The following CLYBL variants were observed in gnomAD, a reference collection of about 807,000 sequenced individuals.
CLYBL encodes the protein citramalyl-CoA lyase, also known as citramalyl-CoA lyase, mitochondrial.
CLYBL carries 31 observed loss-of-function variants against 38.9 expected under a neutral mutation model. The observed-to-expected ratio is 0.80, with a 90% CI of 0.60 to 1.08. The LOEUF is 1.08. Ranked by LOEUF, CLYBL falls within the 50% of genes least tolerant of loss-of-function variation. The pLI, the probability that CLYBL is intolerant of heterozygous loss-of-function variation, is 0.00. For missense variants in CLYBL, 434 were observed against 411.6 expected (o/e 1.05, Z -0.47); for synonymous variants, 171 against 158.6 (o/e 1.08, Z -0.59).
At chr13:99,702,450 G>A (rs1012244626) in intron 1 of CLYBL, among the ~76,000 whole-genome samples, 5 of 151,938 alleles carry the variant, frequency 3.3e-5, no homozygotes, top group Non-Finnish European at 5.9e-5. Context: ...GATCAACATG[G>A]TGAAACCCTG....
At chr13:99,665,012 T>C (rs903492752) in intron 1 of CLYBL, among the ~76,000 whole-genome samples, 1 of 151,954 alleles carries the variant, frequency 6.6e-6, no homozygotes, top group Non-Finnish European at 1.5e-5. Context: ...AGAATGTTTT[T>C]CAATTAAAAA....
At chr13:99,756,593 G>A (rs2049066639) in intron 1 of CLYBL, among the ~76,000 whole-genome samples, 1 of 152,050 alleles carries the variant, frequency 6.6e-6, no homozygotes, top group Non-Finnish European at 1.5e-5. Context: ...AAAACATTAT[G>A]AGATTTGTTG....
At chr13:99,864,751 G>A in intron 4 of CLYBL, 67 bp from the exon 5 acceptor site, 1 of 1,065,010 alleles carries the variant, frequency 9.4e-7, no homozygotes, top group Middle Eastern at 2.0e-4. Flanking sequence ...TTACTGAAAT[G>A]CACCGTGCCT....
At chr13:99,771,550 C>G (rs1385607894) in intron 1 of CLYBL, among the ~76,000 whole-genome samples, 3 of 152,160 alleles carry the variant, frequency 2.0e-5, no homozygotes, top group Non-Finnish European at 2.9e-5. Flanking sequence ...TATCGCTCGT[C>G]CTGATTATGG....
intron 1 of CLYBL, among the ~76,000 whole-genome samples, chr13:99,731,788 C>G (rs2048596079): frequency 6.6e-6 from 1 of 152,146 alleles, no homozygotes; most frequent in Non-Finnish European, 1.5e-5. Context: ...CCTGTGTTCT[C>G]AATTTTAACC....
intron 2 of CLYBL, among the ~76,000 whole-genome samples, chr13:99,800,547 C>T (rs192193025): frequency 6.6e-6 from 1 of 152,290 alleles, no homozygotes; most frequent in East Asian, 1.9e-4. Context: ...TGGAAAGGCT[C>T]ACCTGAGCCA....
intron 1 of CLYBL, among the ~76,000 whole-genome samples, chr13:99,613,695 CTG>C (rs10577448): frequency 0.26 from 38,757 of 151,908 alleles, 6,062 homozygotes; most frequent in East Asian, 0.57. Context: ...GTAAACATGA[CTG>C]AGATGGAAAA....
intron 1 of CLYBL, among the ~76,000 whole-genome samples, chr13:99,769,658 G>A (rs2049340666): frequency 6.6e-6 from 1 of 152,150 alleles, no homozygotes; most frequent in Non-Finnish European, 1.5e-5. Context: ...TCAATTAGCT[G>A]GCAATAATAT....
Position 99,667,463 on chromosome 13 carries a change from TAAAC to T in CLYBL, c.62+60709_62+60712del, listed in dbSNP as rs368225003. On this transcript the variant is annotated intron_variant, in intron 1 of 8. Transcript: ENST00000339105. ...TTTTTTTTTTTTTTTTTTTAGAAAA[TAAAC>T]AATTGCTAGAAGAGTGGAGAGACCA... Among the ~76,000 whole-genome samples the T allele has an allele frequency of 6.7e-3, 741 of 110,724 alleles. 12 individuals carry two copies. Among genetic ancestry groups the T allele is most frequent in the African/African-American group, 0.025 (693 of 27,876 alleles). 72.6% of individuals were successfully genotyped at this position (110,724 alleles called of 152,430 possible).
chr13:99,731,057 T>C (rs1457729614), intron 1 of CLYBL, among the ~76,000 whole-genome samples: 1 of 113,926 alleles, frequency 8.8e-6, no homozygotes, highest in African/African-American at 3.5e-5. Context: ...CGCTCCAGCC[T>C]GGGTGACAGA....
chr13:99,610,283 T>G (rs1316335495), intron 1 of CLYBL, among the ~76,000 whole-genome samples: 1 of 152,228 alleles, frequency 6.6e-6, no homozygotes, highest in Non-Finnish European at 1.5e-5. Flanking sequence ...GTCCAACATC[T>G]GGACTTCCTC....
chr13:99,633,534 C>CAAAAA (rs71215536), intron 1 of CLYBL, among the ~76,000 whole-genome samples: 23 of 121,688 alleles, frequency 1.9e-4, no homozygotes, highest in African/African-American at 6.3e-4. Context: ...GACTCTGTCT[C>CAAAAA]AAAAAAAAAA....
intron 1 of CLYBL, among the ~76,000 whole-genome samples, chr13:99,680,945 C>T (rs1198158344): frequency 6.6e-6 from 1 of 152,218 alleles, no homozygotes; most frequent in African/African-American, 2.4e-5. Context: ...CACACTCTTT[C>T]CTATTCCATG....
chr13:99,625,256 C>T (rs1325239018), intron 1 of CLYBL, among the ~76,000 whole-genome samples: 1 of 152,228 alleles, frequency 6.6e-6, no homozygotes. Flanking sequence ...TGCTAACTGG[C>T]GTGGCTCTCA....
At chr13:99,662,553 T>G (rs928860456) in intron 1 of CLYBL, among the ~76,000 whole-genome samples, 1 of 143,502 alleles carries the variant, frequency 7.0e-6, no homozygotes, top group Non-Finnish European at 1.5e-5. Flanking sequence ...TTATAGTGAG[T>G]CAGAAACAAA....
In CLYBL at chr13:99,865,826, C is replaced by T. The variant is rs922855352; in HGVS notation, c.635-414C>T. 4.6e-5 allele frequency among the ~76,000 whole-genome samples: 7 copies of T among 152,202 alleles called. No individual in the cohort carries two copies. Among genetic ancestry groups the T allele is most frequent in the Non-Finnish European group, 8.8e-5 (6 of 68,032 alleles). On this transcript the variant is annotated intron_variant, in intron 5 of 8. Transcript: ENST00000339105. The surrounding 1 kb of genome is among the most constrained non-coding windows in gnomAD (Gnocchi z 4.7). ...GTTTGGACAGGGCAATCGCAGCACA[C>T]ACAGTTCTGTGCTTGCTGTGAAACA...
At chr13:99,866,480 ACAC>A (rs2051748177) in intron 6 of CLYBL, 73 bp downstream of exon 6, 1 of 1,356,594 alleles carries the variant, frequency 7.4e-7, no homozygotes, top group African/African-American at 1.5e-5. Context: ...TGACCCGAAA[ACAC>A]CCCTAATCTC....
intron 2 of CLYBL, among the ~76,000 whole-genome samples, chr13:99,821,455 C>G (rs9585233): frequency 6.6e-6 from 1 of 152,190 alleles, no homozygotes; most frequent in African/African-American, 2.4e-5. Context: ...TAAATATACA[C>G]TTAATTTTCT....
chr13:99,704,315 C>T (rs973303999), intron 1 of CLYBL, among the ~76,000 whole-genome samples: 18 of 152,238 alleles, frequency 1.2e-4, no homozygotes, highest in African/African-American at 3.6e-4. Flanking sequence ...ATATAGAGAT[C>T]TTCTTGGAAT....
Sources: allele counts gnomAD v4.1 joint callset (sites outside exome capture counted in the v4.1 genomes callset), GRCh38; gene constraint gnomAD v4.1.1; non-coding constraint Gnocchi (gnomAD v3.1); transcripts MANE v1.5; gene names NCBI Gene and HGNC (gene_info 2026-07-23, HGNC 2026-07-21).